The following FBXL7 variants were observed in gnomAD, a reference collection of about 807,000 sequenced individuals.
The protein encoded by FBXL7 is F-box/LRR-repeat protein 7.
FBXL7 carries 12 observed loss-of-function variants against 38.3 expected under a neutral mutation model. The observed-to-expected ratio is 0.31, with a 90% confidence interval of 0.20 to 0.51. The LOEUF (loss-of-function observed/expected upper bound fraction) is 0.51. FBXL7 is among the 20% of genes least tolerant of loss of function. FBXL7 has a pLI of 0.98. For missense variants in FBXL7, 567 were observed against 676.4 expected, an observed-to-expected ratio of 0.84 and a Z score of 1.79; for synonymous variants, 297 against 300.9, an observed-to-expected ratio of 0.99 and a Z score of 0.13.
intron 2 of FBXL7, among the ~76,000 whole-genome samples, chr5:15,732,660 T>TCTATAGATCTTAGATCTATAGATCTA (rs1735622866): frequency 6.6e-6 from 1 of 152,242 alleles, no homozygotes; most frequent in Non-Finnish European, 1.5e-5. Context: ...TATGTTAAGA[T>TCTATAGATCTTAGATCTATAGATCTA]TACGATCTAT....
chr5:15,575,062 T>A (rs933935800), intron 1 of FBXL7, among the ~76,000 whole-genome samples: 1 of 152,132 alleles, frequency 6.6e-6, no homozygotes, highest in Non-Finnish European at 1.5e-5. Context: ...TGCTGGCATC[T>A]GGCATCTAGT....
intron 2 of FBXL7, among the ~76,000 whole-genome samples, chr5:15,621,475 T>C (rs1740639196): frequency 6.6e-6 from 1 of 152,190 alleles, no homozygotes; most frequent in African/African-American, 2.4e-5. Context: ...CCTTTGACCT[T>C]CAGTTATGAA....
At chr5:15,705,179 T>C (rs1191025561) in intron 2 of FBXL7, among the ~76,000 whole-genome samples, 4 of 152,200 alleles carry the variant, frequency 2.6e-5, no homozygotes, top group Non-Finnish European at 5.9e-5. Flanking sequence ...TAAGTATGTA[T>C]TGACAGCCTC....
At chr5:15,503,745 C>A (rs1412367257) in intron 1 of FBXL7, among the ~76,000 whole-genome samples, 1 of 152,148 alleles carries the variant, frequency 6.6e-6, no homozygotes, top group Non-Finnish European at 1.5e-5. Context: ...TGAAGTTTTT[C>A]TTTTAATAGA....
intron 2 of FBXL7, among the ~76,000 whole-genome samples, chr5:15,915,191 G>C (rs566878694): frequency 2.6e-5 from 4 of 152,282 alleles, no homozygotes; most frequent in Admixed American, 2.0e-4. Flanking sequence ...ACAATGCCTG[G>C]CATATAGTAA....
At chr5:15,688,339 A>G (rs6885069) in intron 2 of FBXL7, among the ~76,000 whole-genome samples, 112,818 of 152,110 alleles carry the variant, frequency 0.74, 42,104 homozygotes, top group East Asian at 0.87. Context: ...CCTAGTCACC[A>G]TAGGTGGTAC....
intron 1 of FBXL7, among the ~76,000 whole-genome samples, chr5:15,531,609 G>C (rs543319831): frequency 7.2e-5 from 11 of 152,302 alleles, no homozygotes; most frequent in African/African-American, 2.4e-4. Context: ...AGACACAACT[G>C]TTCAGCTGTC....
At chr5:15,698,300 G>T (rs1031240118) in intron 2 of FBXL7, among the ~76,000 whole-genome samples, 8 of 152,098 alleles carry the variant, frequency 5.3e-5, no homozygotes, top group Admixed American at 5.2e-4. Context: ...CATAAGTCAC[G>T]TATCTTTAAC....
intron 2 of FBXL7, among the ~76,000 whole-genome samples, chr5:15,774,945 A>G (rs891292539): frequency 6.6e-6 from 1 of 152,200 alleles, no homozygotes; most frequent in African/African-American, 2.4e-5. Flanking sequence ...AAAGTAGATA[A>G]GTCTGTGAAC....
intron 2 of FBXL7, among the ~76,000 whole-genome samples, chr5:15,762,300 G>A (rs1736468671): frequency 6.6e-6 from 1 of 152,038 alleles, no homozygotes; most frequent in African/African-American, 2.4e-5. Context: ...CAAGACGGAA[G>A]TTATAGCCTT....
rs969389314 is a variant in FBXL7 at position 15,530,401 on chromosome 5, A to G, written c.37+29688A>G. On this transcript the variant is annotated intron_variant, in intron 1 of 3. Coordinates refer to ENST00000504595, the MANE Select transcript of FBXL7 (RefSeq NM_012304.5). ...GCTGGTACATAATGAGGCTTAGTAC[A>G]TATTTGTCTAGAGAATTAATAAATG... Among the ~76,000 whole-genome samples the G allele has an allele frequency of 4.6e-5, 7 of 152,324 alleles. No homozygotes were observed. In the East Asian group the frequency reaches 9.7e-4, roughly 21 times the overall value.
intron 2 of FBXL7, among the ~76,000 whole-genome samples, chr5:15,895,150 T>C (rs1741054406): frequency 2.6e-5 from 4 of 152,244 alleles, no homozygotes; most frequent in Admixed American, 2.6e-4. Flanking sequence ...TGGTTTTTGC[T>C]GTTAAAAGTA....
At position 15,937,012 on chromosome 5, in the gene FBXL7, C is replaced by T. The variant is rs1466526114; in HGVS notation, c.1302C>T (p.Ser434=). 4.3e-6 allele frequency: 7 copies of T among 1,613,896 alleles called. No individual in the cohort carries two copies. Among genetic ancestry groups the T allele is most frequent in the Non-Finnish European group, 5.9e-6 (7 of 1,179,906 alleles). Residue 434 remains serine (S), a synonymous_variant, in exon 4 of 4, where the codon AGC becomes AGT. Coordinates refer to ENST00000504595, the MANE Select transcript of FBXL7 (RefSeq NM_012304.5). ...ACTGCTTCAACCTCAAGCGGCTCAG[C>T]CTCAAGTCCTGCGAGAGCATCACCG... is the stretch of plus-strand genomic sequence containing the variant. The part of the protein sequence containing the change: ...ALNCFNLKRL[S]LKSCESITGQ...
At chr5:15,706,940 A>G (rs1452109645) in intron 2 of FBXL7, among the ~76,000 whole-genome samples, 2 of 152,094 alleles carry the variant, frequency 1.3e-5, no homozygotes, top group Non-Finnish European at 2.9e-5. Context: ...AGTACATCTC[A>G]GAGAAAAGGG....
At chr5:15,883,091 T>C (rs1012262648) in intron 2 of FBXL7, among the ~76,000 whole-genome samples, 1 of 152,186 alleles carries the variant, frequency 6.6e-6, no homozygotes, top group Non-Finnish European at 1.5e-5. Context: ...TTCATTATAA[T>C]TAAAATCATC....
At chr5:15,506,827 C>T (rs1276387860) in intron 1 of FBXL7, among the ~76,000 whole-genome samples, 4 of 151,632 alleles carry the variant, frequency 2.6e-5, no homozygotes, top group East Asian at 1.9e-4. Context: ...AATGCTATCA[C>T]GTTGGGATTA....
At chr5:15,933,942 T>C (rs1305765286) in intron 3 of FBXL7, among the ~76,000 whole-genome samples, 2 of 152,142 alleles carry the variant, frequency 1.3e-5, no homozygotes, top group African/African-American at 2.4e-5. Flanking sequence ...TAGAATGAAA[T>C]ACATAAAAAT....
In FBXL7 at chr5:15,571,106, A is replaced by AG. The variant is rs202099906; in HGVS notation, c.38-44877_38-44876insG. On this transcript the variant is annotated intron_variant, in intron 1 of 3. Transcript: ENST00000504595. ...GATTCTGTCTTTAAAAAAAAAAAAA[A>AG]AAAAGAAAAAAGAAACTTTAAAATG... Among the ~76,000 whole-genome samples, 1,242 of 148,420 alleles carry AG rather than the reference A, an allele frequency of 8.4e-3. 15 individuals are homozygous for AG. Among genetic ancestry groups the AG allele is most frequent in the African/African-American group, 0.029 (1,179 of 40,364 alleles).
At chr5:15,765,588 G>A (rs750876266) in intron 2 of FBXL7, among the ~76,000 whole-genome samples, 36 of 152,338 alleles carry the variant, frequency 2.4e-4, no homozygotes, top group Non-Finnish European at 4.6e-4. Context: ...GAAGGAGGTT[G>A]TATTGTAGTG....
Sources: gnomAD v4.1 joint callset for allele counts (sites outside exome capture counted in the v4.1 genomes callset) on GRCh38, gnomAD v4.1.1 for gene constraint, MANE v1.5 for transcripts, NCBI Gene and HGNC (gene_info 2026-07-23, HGNC 2026-07-21) for gene names.